Variants in PVT1 observed in about 807,000 individuals in gnomAD.
The protein encoded by PVT1 is CXCR4/PVT1 fusion.
chr8:127,808,083 T>A (rs1814547852), intron 2 of PVT1, among the ~76,000 whole-genome samples: 1 of 152,152 alleles, frequency 6.6e-6, no homozygotes, highest in Admixed American at 6.5e-5. Flanking sequence ...AGTCTTGCTC[T>A]GTCACCCAGG....
intron 2 of PVT1, among the ~76,000 whole-genome samples, chr8:127,873,245 C>A (rs534055940): frequency 2.0e-5 from 3 of 152,288 alleles, no homozygotes; most frequent in Non-Finnish European, 1.5e-5. Flanking sequence ...TCTGAAGATT[C>A]CCATGACACA....
intron 5 of PVT1, among the ~76,000 whole-genome samples, chr8:128,076,219 G>A (rs961882695): frequency 1.3e-5 from 2 of 152,164 alleles, no homozygotes; most frequent in African/African-American, 2.4e-5. Flanking sequence ...TCTCTTATCT[G>A]CACAATGGAC....
chr8:127,848,719 C>A (rs570901392), intron 2 of PVT1, among the ~76,000 whole-genome samples: 1 of 152,108 alleles, frequency 6.6e-6, no homozygotes, highest in African/African-American at 2.4e-5. Flanking sequence ...AAAAGGCCAA[C>A]AAATTTGACC....
chr8:127,905,818 T>C (rs973231272), intron 3 of PVT1, among the ~76,000 whole-genome samples: 5 of 152,266 alleles, frequency 3.3e-5, no homozygotes, highest in South Asian at 4.1e-4. Context: ...TTTTGTGGCA[T>C]GTGCAAGAGT....
intron 3 of PVT1, among the ~76,000 whole-genome samples, chr8:127,962,753 C>T (rs1330170471): frequency 6.6e-6 from 1 of 152,068 alleles, no homozygotes; most frequent in African/African-American, 2.4e-5. Context: ...CACACCACTG[C>T]ACCTGGCTAA....
At chr8:127,867,218 C>G (rs1157007697) in intron 2 of PVT1, among the ~76,000 whole-genome samples, 29 of 152,222 alleles carry the variant, frequency 1.9e-4, no homozygotes, top group Admixed American at 1.8e-3. Context: ...CAAGGTCAGG[C>G]TGTCAGGAAG....
At chr8:128,043,898 A>G (rs370082736) in intron 4 of PVT1, among the ~76,000 whole-genome samples, 2 of 149,558 alleles carry the variant, frequency 1.3e-5, no homozygotes, top group Non-Finnish European at 3.0e-5. Flanking sequence ...CAGTGGTGCA[A>G]TCACGGCAGC....
intron 2 of PVT1, chr8:127,854,933 G>A (rs1334058996): frequency 5.3e-6 from 2 of 376,084 alleles, no homozygotes; most frequent in Non-Finnish European, 9.4e-6. Flanking sequence ...ACCCAAAGAT[G>A]CTGATGCTGT....
intron 3 of PVT1, among the ~76,000 whole-genome samples, chr8:127,957,745 C>T (rs1168102969): frequency 1.3e-5 from 2 of 152,218 alleles, no homozygotes; most frequent in Non-Finnish European, 2.9e-5. Flanking sequence ...TTTCTCTTTG[C>T]CTTGGGAGGC....
At chr8:128,061,729 G>A (rs1468571356) in intron 4 of PVT1, among the ~76,000 whole-genome samples, 10 of 152,162 alleles carry the variant, frequency 6.6e-5, no homozygotes, top group Admixed American at 2.6e-4. Context: ...TCTCTGGGAC[G>A]ATGGCAGAGG....
rs1342015499 is a variant in PVT1, at chr8:127,898,734, G to T, written n.782+7736G>T. ...TGTGGTGGGGGTGAGGCGGTGGCGT[G>T]GGGGCTTCTTCCCTCTCTCTCTGTC... On this transcript the variant is annotated intron_variant and non_coding_transcript_variant, in intron 3 of 10. Coordinates refer to ENST00000651587, the Ensembl canonical transcript of PVT1. The surrounding 1 kb of genome is among the most constrained non-coding windows in gnomAD (Gnocchi z 4.4). Among the ~76,000 whole-genome samples, 1 of 152,144 alleles carries T rather than the reference G, an allele frequency of 6.6e-6. No homozygotes were observed.
intron 4 of PVT1, among the ~76,000 whole-genome samples, chr8:128,007,632 G>A (rs927671929): frequency 1.3e-5 from 2 of 152,190 alleles, no homozygotes; most frequent in African/African-American, 4.8e-5. Flanking sequence ...TGTACTTCCT[G>A]TTAACAGACA....
At chr8:127,801,115 G>C (rs958318816) in intron 2 of PVT1, among the ~76,000 whole-genome samples, 1 of 152,202 alleles carries the variant, frequency 6.6e-6, no homozygotes, top group Non-Finnish European at 1.5e-5. Context: ...TGAGAATGGC[G>C]TGAGCAAGGG....
chr8:128,039,208 G>C (rs1434559665), intron 4 of PVT1, among the ~76,000 whole-genome samples: 1 of 151,846 alleles, frequency 6.6e-6, no homozygotes, highest in Non-Finnish European at 1.5e-5. Context: ...GTTCATGAAG[G>C]TTGCAGAGCA....
chr8:127,902,055 A>T (rs1815765495), intron 3 of PVT1, among the ~76,000 whole-genome samples: 1 of 152,202 alleles, frequency 6.6e-6, no homozygotes, highest in South Asian at 2.1e-4. Flanking sequence ...GAAAACTTAG[A>T]ATGCGTAGAA....
chr8:128,071,034 A>C (rs1813980179), intron 5 of PVT1, among the ~76,000 whole-genome samples: 1 of 152,168 alleles, frequency 6.6e-6, no homozygotes, highest in Non-Finnish European at 1.5e-5. Context: ...ATTTGCAGAG[A>C]ATGTCAGAAG....
intron 2 of PVT1, among the ~76,000 whole-genome samples, chr8:127,839,574 G>GAAAAAAAAAAAAAAAAAAAATA (rs61194690): frequency 7.4e-6 from 1 of 134,352 alleles, no homozygotes; most frequent in East Asian, 2.1e-4. Flanking sequence ...AAAAAAAAAT[G>GAAAAAAAAAAAAAAAAAAAATA]AAAAAAAAAA....
intron 4 of PVT1, among the ~76,000 whole-genome samples, chr8:128,030,054 G>A (rs886972824): frequency 6.6e-6 from 1 of 152,124 alleles, no homozygotes; most frequent in Non-Finnish European, 1.5e-5. Flanking sequence ...TAGAGGCTGC[G>A]GTGAGTTGTG....
At chr8:127,945,271 T>C (rs559462677) in intron 3 of PVT1, among the ~76,000 whole-genome samples, 3 of 152,272 alleles carry the variant, frequency 2.0e-5, no homozygotes, top group Admixed American at 6.5e-5. Context: ...TGGTCACTTA[T>C]GTGAGAGCTC....
Sources: gnomAD v4.1 joint callset for allele counts (sites outside exome capture counted in the v4.1 genomes callset) on GRCh38, gnomAD v4.1.1 for gene constraint, Gnocchi (gnomAD v3.1) non-coding constraint, MANE v1.5 for transcripts, NCBI Gene and HGNC (gene_info 2026-07-23, HGNC 2026-07-21) for gene names.